The following GPC5 variants were observed in gnomAD, a reference collection of about 807,000 sequenced individuals.
GPC5 encodes glypican-5.
A neutral mutation model predicts 53.9 loss-of-function variants in GPC5; 47 were observed. That is an observed-to-expected ratio of 0.87 (90% CI 0.69 to 1.11). The LOEUF is 1.11. Among genes scored for constraint, GPC5 ranks in the 50% most tolerant of loss-of-function variants. GPC5 has a pLI of 0.00. For missense variants in GPC5, 748 were observed against 713.1 expected (o/e 1.05, Z -0.56); for synonymous variants, 286 against 263.3 (o/e 1.09, Z -0.84).
At chr13:91,748,990 A>G (rs1338095498) in intron 4 of GPC5, among the ~76,000 whole-genome samples, 1 of 152,074 alleles carries the variant, frequency 6.6e-6, no homozygotes, top group Non-Finnish European at 1.5e-5. Flanking sequence ...TAGGGGAAAG[A>G]GTCGAGCGCT....
chr13:92,817,697 C>CTTGAT (rs1459526797), intron 7 of GPC5, among the ~76,000 whole-genome samples: 1 of 151,892 alleles, frequency 6.6e-6, no homozygotes, highest in Non-Finnish European at 1.5e-5. Flanking sequence ...TTGGGGCTCT[C>CTTGAT]TTGAAGTCAT....
intron 2 of GPC5, among the ~76,000 whole-genome samples, chr13:91,540,602 T>A (rs2029880087): frequency 6.6e-6 from 1 of 152,188 alleles, no homozygotes; most frequent in Admixed American, 6.5e-5. Flanking sequence ...AATGGGTGAA[T>A]TGTATGGCAT....
chr13:91,447,744 C>G (rs1880905706), intron 1 of GPC5, among the ~76,000 whole-genome samples: 1 of 152,098 alleles, frequency 6.6e-6, no homozygotes. Context: ...TGATGAAGAA[C>G]TAATGTGGAA....
At chr13:91,992,816 A>G (rs2040469185) in intron 6 of GPC5, among the ~76,000 whole-genome samples, 1 of 152,204 alleles carries the variant, frequency 6.6e-6, no homozygotes, top group Non-Finnish European at 1.5e-5. Context: ...CTCAATAAAC[A>G]TGCCACTGCT....
chr13:91,587,986 A>G (rs1221953709), intron 2 of GPC5, among the ~76,000 whole-genome samples: 2 of 152,182 alleles, frequency 1.3e-5, no homozygotes. Context: ...GCAGTAAGAA[A>G]TGATGAACAG....
chr13:91,507,398 A>G (rs1312836032), intron 2 of GPC5, among the ~76,000 whole-genome samples: 2 of 152,192 alleles, frequency 1.3e-5, no homozygotes, highest in African/African-American at 4.8e-5. Context: ...ACAGTTCCAC[A>G]TGGCTGGGGA....
intron 7 of GPC5, among the ~76,000 whole-genome samples, chr13:92,182,742 G>A (rs1046445704): frequency 2.0e-5 from 3 of 152,064 alleles, no homozygotes; most frequent in Non-Finnish European, 4.4e-5. Flanking sequence ...GGTGGTGGGC[G>A]CCTGCAGTCC....
intron 7 of GPC5, among the ~76,000 whole-genome samples, chr13:92,317,917 A>C (rs2043190460): frequency 6.6e-6 from 1 of 152,222 alleles, no homozygotes; most frequent in South Asian, 2.1e-4. Flanking sequence ...TTTCAAGTTT[A>C]ACAAACTTCA....
In GPC5 at chr13:91,902,653, T is replaced by C. The variant is rs533250891; in HGVS notation, c.1281-5284T>C. ...AGGGATCTTTGAAATGTTTTATCCATTACTTGTACCTTAAAAAGAAAAAGA... is the reference window on the plus strand; with the variant it reads ...AGGGATCTTTGAAATGTTTTATCCACTACTTGTACCTTAAAAAGAAAAAGA... On this transcript the variant is annotated intron_variant, in intron 5 of 7. Transcript: ENST00000377067. Among the ~76,000 whole-genome samples, 5 of 152,218 alleles carry C rather than the reference T, an allele frequency of 3.3e-5. No homozygotes were observed. In the South Asian group the frequency reaches 1.0e-3, roughly 32 times the overall value.
intron 7 of GPC5, among the ~76,000 whole-genome samples, chr13:92,836,779 G>A (rs568196673): frequency 6.6e-6 from 1 of 152,162 alleles, no homozygotes; most frequent in Admixed American, 6.5e-5. Context: ...AAGACACCTG[G>A]ATGCTCAAAT....
chr13:91,470,454 G>A, intron 2 of GPC5, among the ~76,000 whole-genome samples: 1 of 152,172 alleles, frequency 6.6e-6, no homozygotes, highest in East Asian at 1.9e-4. Context: ...GAAGTGGGAA[G>A]CGAGATGGAA....
At chr13:91,517,812 TG>T (rs1885585574) in intron 2 of GPC5, among the ~76,000 whole-genome samples, 1 of 152,164 alleles carries the variant, frequency 6.6e-6, no homozygotes, top group African/African-American at 2.4e-5. Context: ...TCTTACATGG[TG>T]GTGGCAAGAG....
intron 3 of GPC5, among the ~76,000 whole-genome samples, chr13:91,719,404 C>A (rs1257249575): frequency 1.3e-5 from 2 of 152,228 alleles, no homozygotes; most frequent in Admixed American, 1.3e-4. Flanking sequence ...GAGCTGAAGA[C>A]TTTTGCATTA....
chr13:91,478,822 T>TATATATATATATAA, intron 2 of GPC5, among the ~76,000 whole-genome samples: 1 of 92,164 alleles, frequency 1.1e-5, no homozygotes, highest in African/African-American at 5.2e-5. Flanking sequence ...TATATATATA[T>TATATATATATATAA]ACACACACAC....
At chr13:92,241,859 T>C (rs976215309) in intron 7 of GPC5, 1 of 152,184 alleles carries the variant, frequency 6.6e-6, no homozygotes, top group African/African-American at 2.4e-5. Flanking sequence ...AATTTCCTTT[T>C]GGCAACTAAT....
intron 7 of GPC5, among the ~76,000 whole-genome samples, chr13:92,282,682 A>G (rs1490344460): frequency 6.6e-6 from 1 of 152,208 alleles, no homozygotes; most frequent in Non-Finnish European, 1.5e-5. Context: ...CTTTACAGAC[A>G]AGCAAATGCT....
intron 2 of GPC5, among the ~76,000 whole-genome samples, chr13:91,571,767 G>A (rs1181208805): frequency 7.0e-6 from 1 of 141,964 alleles, no homozygotes; most frequent in Non-Finnish European, 1.5e-5. Flanking sequence ...ACATGTGTAT[G>A]TGTATATACA....
intron 5 of GPC5, among the ~76,000 whole-genome samples, chr13:91,808,339 C>T (rs756310086): frequency 1.4e-4 from 21 of 152,164 alleles, no homozygotes; most frequent in Non-Finnish European, 2.1e-4. Flanking sequence ...GTAGCTCTGC[C>T]GATTTTGTGC....
At chr13:92,423,476 T>A (rs1038530791) in intron 7 of GPC5, among the ~76,000 whole-genome samples, 46 of 152,194 alleles carry the variant, frequency 3.0e-4, no homozygotes, top group African/African-American at 1.1e-3. Context: ...CACAACTGTG[T>A]AGTGTATTAA....
Sources: allele counts gnomAD v4.1 joint callset (sites outside exome capture counted in the v4.1 genomes callset), GRCh38; gene constraint gnomAD v4.1.1; transcripts MANE v1.5; gene names NCBI Gene and HGNC (gene_info 2026-07-23, HGNC 2026-07-21).